HNRNPL: variants seen among roughly 807,000 people sequenced by gnomAD.
The protein encoded by HNRNPL is heterogeneous nuclear ribonucleoprotein L.
HNRNPL carries 12 observed loss-of-function variants against 64.0 expected under a neutral mutation model. The ratio of observed to expected loss-of-function variants is 0.19; its 90% confidence interval spans 0.12 to 0.30. HNRNPL has a LOEUF of 0.30. Ranked by LOEUF, HNRNPL falls within the 10% of genes least tolerant of loss-of-function variation. The probability of loss-of-function intolerance (pLI) is 1.00; values close to 1 mark genes in which losing one functional copy is unlikely to be tolerated. For synonymous variants in HNRNPL, 385 were observed against 313.0 expected (o/e 1.23, Z -2.43); for missense variants, 484 against 797.4 (o/e 0.61, Z 4.73).
At chr19:38,838,675 C>T (rs1025762742) in intron 9 of HNRNPL, 77 bp from the exon 10 acceptor site, 4 of 1,453,752 alleles carry the variant, frequency 2.8e-6, no homozygotes, top group Non-Finnish European at 3.8e-6. Context: ...CCTCCAGAGG[C>T]TTAGCTTGCC....
At position 38,837,423 on chromosome 19, in the gene HNRNPL, T is replaced by C. The variant is rs1429228299; in HGVS notation, c.1672A>G (p.Thr558Ala). 1 of 1,613,934 alleles carries C rather than the reference T, an allele frequency of 6.2e-7. No homozygotes were observed. The highest frequency in any genetic ancestry group is 8.5e-7 in the Non-Finnish European group (1 of 1,179,938). The change falls in exon 12 of 13, where the codon ACT becomes GCT. Residue 558 changes from threonine to alanine, a missense_variant. Coordinates refer to ENST00000221419, the MANE Select transcript of HNRNPL (RefSeq NM_001533.3). ...TGGTAATGGTTCAGGAAGCCCAGAG[T>C]CTCCAGGGCATCGCTCTTGGATTCC... Reference protein sequence around the residue: ...EWESKSDALETLGFLNHYQMK... With the variant: ...EWESKSDALEALGFLNHYQMK...
Position 38,839,020 on chromosome 19 carries a change from G to A in HNRNPL, c.1234-5C>T. The A allele has an allele frequency of 6.2e-7, 1 of 1,613,906 alleles. No individual in the cohort carries two copies. Among genetic ancestry groups the A allele is most frequent in the African/African-American group, 1.3e-5 (1 of 75,014 alleles). On this transcript the variant is annotated splice_polypyrimidine_tract_variant and splice_region_variant and intron_variant, in intron 8 of 12. Coordinates refer to ENST00000221419, the MANE Select transcript of HNRNPL (RefSeq NM_001533.3). ...CTTGCTTTTCATGAATTTCACCTTG[G>A]GGAGAGTAGCTGCAGTCAGCACCTC... is the stretch of plus-strand genomic sequence containing the variant.
In HNRNPL at chr19:38,849,881, G is replaced by A. The variant is rs767198426; in HGVS notation, c.86C>T (p.Ser29Leu). Residue 29 changes from serine (S) to leucine (L), a missense_variant, in exon 1 of 13, where the codon TCG (serine) becomes TTG (leucine). By Grantham distance (145) the Ser-to-Leu change is moderately radical (BLOSUM62 -2). Transcript: ENST00000221419. ...CGCCGCCATCTTCACCATCGCTCCC[G>A]ACCGCCTCCGCTGCTCGTCCGGCTG... ...RQQPDEQRRRSGAMVKMAAAG... is the reference protein window; with the variant it reads ...RQQPDEQRRRLGAMVKMAAAG... 4.9e-6 allele frequency: 6 copies of A among 1,232,540 alleles called. No individual in the cohort carries two copies. In the South Asian group the frequency reaches 5.1e-5, roughly 10 times the overall value. The allele number at this position is 1,232,540 out of a possible 1,614,324, so 76.4% of individuals were successfully genotyped here.
At chr19:38,841,555 A>C in intron 6 of HNRNPL, 1 of 723,022 alleles carries the variant, frequency 1.4e-6, no homozygotes, top group Non-Finnish European at 2.1e-6. Context: ...TACTTACAGC[A>C]GAAGTACAGA....
chr19:38,845,460 T>G (rs79469939), intron 4 of HNRNPL, 190 bp downstream of exon 4: 70,301 of 604,328 alleles, frequency 0.12, 4,836 homozygotes, highest in South Asian at 0.19. Context: ...TCCCCTAAGA[T>G]CTGCACGTCC....
intron 6 of HNRNPL, among the ~76,000 whole-genome samples, chr19:38,842,998 T>G (rs1257223294): frequency 6.6e-6 from 1 of 152,186 alleles, no homozygotes; most frequent in Non-Finnish European, 1.5e-5. Flanking sequence ...GTGAGGATCC[T>G]GGGGAAGAGT....
At position 38,836,652 on chromosome 19, in the gene HNRNPL, AAAAC is replaced by A; in HGVS notation, c.*66_*69del. The A allele has an allele frequency of 8.8e-7, 1 of 1,138,222 alleles. No individual in the cohort carries two copies. Among genetic ancestry groups the A allele is most frequent in the East Asian group, 2.4e-5 (1 of 41,206 alleles). 70.5% of individuals were successfully genotyped at this position (1,138,222 alleles called of 1,614,324 possible). On this transcript the variant is annotated 3_prime_UTR_variant, in exon 13 of 13. Transcript: ENST00000221419. ...AATACAAGATCTTTTGCAAATAACA[AAAAC>A]AAAAAATGGCATAAAGGAAAGAGAA...
chr19:38,847,513 C>A (rs1972339712), intron 1 of HNRNPL, 79 bp from the exon 2 acceptor site: 3 of 759,228 alleles, frequency 4.0e-6, no homozygotes, highest in Non-Finnish European at 4.0e-6. Flanking sequence ...CTGTTGTAGA[C>A]CCAGTCAGAT....
chr19:38,847,678 T>G (rs1005398329), intron 1 of HNRNPL: 2 of 286,708 alleles, frequency 7.0e-6, no homozygotes, highest in African/African-American at 2.2e-5. Context: ...CTGAGGAAGG[T>G]ATAACGGAGG....
intron 9 of HNRNPL, 87 bp from the exon 10 acceptor site, chr19:38,838,685 CCT>C (rs1351491812): frequency 1.4e-6 from 2 of 1,414,846 alleles, no homozygotes; most frequent in African/African-American, 2.8e-5. Flanking sequence ...CTTAGCTTGC[CCT>C]GTGTGCCTTG....
intron 6 of HNRNPL, chr19:38,841,232 T>G: frequency 7.0e-6 from 2 of 286,610 alleles, no homozygotes; most frequent in South Asian, 3.2e-5. Flanking sequence ...ATCACTGCCT[T>G]TAACTTAGCG....
At chr19:38,847,580 G>A (rs764595181) in intron 1 of HNRNPL, 146 bp from the exon 2 acceptor site, 3 of 430,544 alleles carry the variant, frequency 7.0e-6, no homozygotes, top group Non-Finnish European at 1.2e-5. Flanking sequence ...GGCAGCAATT[G>A]AAGCCAATCA....
chr19:38,843,746 A>G, intron 6 of HNRNPL, 96 bp downstream of exon 6: 3 of 1,030,504 alleles, frequency 2.9e-6, no homozygotes, highest in Middle Eastern at 2.4e-4. Flanking sequence ...GGGGGGCCCA[A>G]TGGCATTACA....
At position 38,838,944 on chromosome 19, in the gene HNRNPL, G is replaced by T. The variant is rs200815731; in HGVS notation, c.1305C>A (p.Ala435=). The T allele has an allele frequency of 1.9e-6, 3 of 1,614,052 alleles. No homozygotes were observed. The highest frequency in any genetic ancestry group is 1.7e-6 in the Non-Finnish European group (2 of 1,180,044). The change falls in exon 9 of 13, where the codon GCC becomes GCA. Residue 435 remains alanine, a synonymous_variant. Transcript: ENST00000221419. ...TGAAGTTGTTGTTGAGGTGGGTAAT[G>T]GCCCGGTCTACAGCGTAGCCATCAG... is the stretch of plus-strand genomic sequence containing the variant. ...EMADGYAVDR[A]ITHLNNNFMF...
At chr19:38,845,322 G>A (rs1038719529) in intron 4 of HNRNPL, 5 of 248,082 alleles carry the variant, frequency 2.0e-5, no homozygotes, top group Non-Finnish European at 4.0e-5. Context: ...AGTGAGCTGA[G>A]ATCGCACCAC....
rs373614187 is a variant in HNRNPL, at chr19:38,837,587, G to T, written c.1615+7C>A. 6.2e-7 allele frequency: 1 copy of T among 1,614,070 alleles called. No homozygotes were observed. Among genetic ancestry groups the T allele is most frequent in the Non-Finnish European group, 8.5e-7 (1 of 1,179,920 alleles). Reference sequence around the variant, plus strand: ...TTAGGGCAAGGAGGTGGGCACACTCGACTCACTTTTGCCTGAGAATACTTT... The same window carrying T: ...TTAGGGCAAGGAGGTGGGCACACTCTACTCACTTTTGCCTGAGAATACTTT... On this transcript the variant is annotated splice_region_variant and intron_variant, in intron 11 of 12. Transcript: ENST00000221419.
chr19:38,839,154 C>CCT (rs1972026858), intron 8 of HNRNPL, 139 bp from the exon 9 acceptor site: 1 of 1,061,474 alleles, frequency 9.4e-7, no homozygotes, highest in African/African-American at 1.6e-5. Flanking sequence ...GAAAAACATG[C>CCT]CTGGCCCACA....
At chr19:38,837,117 T>C (rs1971955107) in intron 12 of HNRNPL, 2 of 561,186 alleles carry the variant, frequency 3.6e-6, no homozygotes, top group African/African-American at 1.9e-5. Flanking sequence ...AGCCAGTCTC[T>C]GATGCAAAGA....
At chr19:38,849,510 G>T in intron 1 of HNRNPL, 190 bp downstream of exon 1, 1 of 754,862 alleles carries the variant, frequency 1.3e-6, no homozygotes, top group Non-Finnish European at 1.8e-6. Flanking sequence ...TCCGGACCCC[G>T]CGCACGCGCA....
Sources: gnomAD v4.1 joint callset for allele counts (sites outside exome capture counted in the v4.1 genomes callset) on GRCh38, gnomAD v4.1.1 for gene constraint, MANE v1.5 for transcripts, NCBI Gene and HGNC (gene_info 2026-07-23, HGNC 2026-07-21) for gene names.